PTPRG: variants seen among roughly 807,000 people sequenced by gnomAD.
PTPRG encodes protein tyrosine phosphatase receptor type G, also known as receptor-type tyrosine-protein phosphatase gamma.
PTPRG carries 102 observed loss-of-function variants against 165.3 expected under a neutral mutation model. The observed-to-expected ratio is 0.62, with a 90% CI of 0.53 to 0.73. The LOEUF (loss-of-function observed/expected upper bound fraction) is 0.73, where lower values mean the gene tolerates loss of function less well. Ranked by LOEUF, PTPRG falls within the 30% of genes least tolerant of loss-of-function variation. The pLI, the probability that PTPRG is intolerant of heterozygous loss-of-function variation, is 0.00. For missense variants in PTPRG, 1,866 were observed against 1,861.4 expected, an observed-to-expected ratio of 1.00 and a Z score of -0.05; for synonymous variants, 675 against 669.5, an observed-to-expected ratio of 1.01 and a Z score of -0.13.
At chr3:62,021,222 T>C (rs1365036321) in intron 4 of PTPRG, among the ~76,000 whole-genome samples, 1 of 152,242 alleles carries the variant, frequency 6.6e-6, no homozygotes, top group Non-Finnish European at 1.5e-5. Flanking sequence ...CTTTTTTCCA[T>C]GATGTGGATG....
intron 18 of PTPRG, 21 bp downstream of exon 18, chr3:62,267,513 T>C (rs1342788640): frequency 2.5e-6 from 4 of 1,583,384 alleles, no homozygotes; most frequent in Non-Finnish European, 1.7e-6. Context: ...ACTGTTATTA[T>C]AAACCTGTTT....
At chr3:61,904,796 T>A (rs1025123003) in intron 2 of PTPRG, among the ~76,000 whole-genome samples, 8 of 152,242 alleles carry the variant, frequency 5.3e-5, no homozygotes, top group Admixed American at 5.2e-4. Flanking sequence ...ATATGTATTT[T>A]TTTCCAGTTG....
At chr3:62,202,821 C>T (rs973896714) in intron 11 of PTPRG, among the ~76,000 whole-genome samples, 19 of 152,144 alleles carry the variant, frequency 1.2e-4, no homozygotes, top group African/African-American at 4.6e-4. Context: ...AACAGATGAC[C>T]ATCTGATTTT....
intron 2 of PTPRG, among the ~76,000 whole-genome samples, chr3:61,867,061 G>T (rs2037432433): frequency 1.3e-5 from 2 of 152,076 alleles, no homozygotes; most frequent in Non-Finnish European, 2.9e-5. Context: ...TCATCAGATT[G>T]CCCGGGATTG....
chr3:61,763,006 T>A (rs889219955), intron 2 of PTPRG, among the ~76,000 whole-genome samples: 2 of 152,150 alleles, frequency 1.3e-5, no homozygotes, highest in African/African-American at 4.8e-5. Context: ...CCCTTTCTTA[T>A]GTCTCTGTTG....
At chr3:62,017,349 C>T (rs1006787676) in intron 4 of PTPRG, among the ~76,000 whole-genome samples, 4 of 152,182 alleles carry the variant, frequency 2.6e-5, no homozygotes, top group South Asian at 2.1e-4. Flanking sequence ...TAGTTACTCC[C>T]AAATAAACAC....
At chr3:61,668,703 A>G (rs916528842) in intron 1 of PTPRG, among the ~76,000 whole-genome samples, 4 of 152,200 alleles carry the variant, frequency 2.6e-5, no homozygotes, top group Non-Finnish European at 5.9e-5. Context: ...CTTTGTGAAC[A>G]TTACCCTCTG....
rs180959226 is a variant in PTPRG, at chr3:61,574,636, G to T, written c.85+12264G>T. On this transcript the variant is annotated intron_variant, in intron 1 of 29. Transcript: ENST00000474889. ...TCATGTGATAGAGGTTTGCATGCTA[G>T]AGGTCTTAGTCCATTTTATGTTGCT... 7.9e-5 allele frequency among the ~76,000 whole-genome samples: 12 copies of T among 152,318 alleles called. No homozygotes were observed. The East Asian group carries it at 2.1e-3, about 27-fold the overall frequency.
chr3:61,721,354 G>C (rs2032035522), intron 1 of PTPRG, among the ~76,000 whole-genome samples: 1 of 152,168 alleles, frequency 6.6e-6, no homozygotes. Context: ...AGAAGTTTGG[G>C]TTACAGGTGC....
At chr3:61,774,685 T>C in intron 2 of PTPRG, among the ~76,000 whole-genome samples, 1 of 152,354 alleles carries the variant, frequency 6.6e-6, no homozygotes. Context: ...TATAATCGAC[T>C]TGAGAGGAAT....
chr3:62,163,106 C>T (rs1034473539), intron 7 of PTPRG, among the ~76,000 whole-genome samples: 1 of 152,054 alleles, frequency 6.6e-6, no homozygotes, highest in African/African-American at 2.4e-5. Context: ...TCGTGAGAAT[C>T]CACTCACTGT....
At chr3:62,175,416 G>A (rs1036270289) in intron 8 of PTPRG, among the ~76,000 whole-genome samples, 1 of 152,108 alleles carries the variant, frequency 6.6e-6, no homozygotes, top group Non-Finnish European at 1.5e-5. Flanking sequence ...AGGAGTTTGA[G>A]GCCATCCTGG....
intron 1 of PTPRG, among the ~76,000 whole-genome samples, chr3:61,738,306 A>G (rs1437081027): frequency 0.028 from 2,221 of 78,518 alleles, 341 homozygotes; most frequent in South Asian, 0.059. Flanking sequence ...ATATATATAT[A>G]TATATACATA....
At chr3:61,893,466 G>A (rs1441571530) in intron 2 of PTPRG, among the ~76,000 whole-genome samples, 2 of 152,184 alleles carry the variant, frequency 1.3e-5, no homozygotes, top group Non-Finnish European at 1.5e-5. Context: ...CAGAGTGATT[G>A]ATTATTGACT....
chr3:61,740,453 GT>G (rs1231223437), intron 1 of PTPRG, among the ~76,000 whole-genome samples: 1 of 152,108 alleles, frequency 6.6e-6, no homozygotes, highest in African/African-American at 2.4e-5. Context: ...TGGAAAGTGT[GT>G]ATTTTTTAAT....
At chr3:61,599,808 C>T (rs1275967753) in intron 1 of PTPRG, among the ~76,000 whole-genome samples, 3 of 152,100 alleles carry the variant, frequency 2.0e-5, no homozygotes, top group African/African-American at 7.2e-5. Flanking sequence ...CTGCATTCTT[C>T]ACCACAGCAA....
At chr3:61,762,579 C>T (rs597389) in intron 2 of PTPRG, among the ~76,000 whole-genome samples, 106,689 of 151,976 alleles carry the variant, frequency 0.7, 38,360 homozygotes, top group Non-Finnish European at 0.79. Flanking sequence ...CCCCTGTACT[C>T]CAGCCTGGGC....
At chr3:61,962,630 T>C (rs1201611193) in intron 2 of PTPRG, among the ~76,000 whole-genome samples, 1 of 152,228 alleles carries the variant, frequency 6.6e-6, no homozygotes, top group Non-Finnish European at 1.5e-5. Context: ...GGGAACGTAT[T>C]TATTGAGTAA....
chr3:61,834,164 T>G (rs2036392619), intron 2 of PTPRG, among the ~76,000 whole-genome samples: 1 of 152,224 alleles, frequency 6.6e-6, no homozygotes, highest in Non-Finnish European at 1.5e-5. Context: ...TTCTTCTTTC[T>G]TTGACATGTT....
Sources: gnomAD v4.1 joint callset for allele counts (sites outside exome capture counted in the v4.1 genomes callset) on GRCh38, gnomAD v4.1.1 for gene constraint, MANE v1.5 for transcripts, NCBI Gene and HGNC (gene_info 2026-07-23, HGNC 2026-07-21) for gene names.